Variants in AGBL1 observed in about 807,000 individuals in gnomAD.
AGBL1 encodes AGBL carboxypeptidase 1, also known as cytosolic carboxypeptidase 4.
AGBL1 carries 130 observed loss-of-function variants against 118.9 expected under a neutral mutation model. The observed-to-expected ratio is 1.09, with a 90% CI of 0.95 to 1.26. AGBL1 has a LOEUF of 1.26. AGBL1 is among the 50% of genes most tolerant of loss of function. The probability of loss-of-function intolerance (pLI) is 0.00; values close to 1 mark genes in which losing one functional copy is unlikely to be tolerated. For missense variants in AGBL1, 1,584 were observed against 1,298.1 expected, an observed-to-expected ratio of 1.22 and a Z score of -3.38; for synonymous variants, 555 against 478.9, an observed-to-expected ratio of 1.16 and a Z score of -2.08.
At chr15:86,380,347 C>G (rs375600042) in intron 17 of AGBL1, among the ~76,000 whole-genome samples, 1 of 96,562 alleles carries the variant, frequency 1.0e-5, no homozygotes, top group African/African-American at 3.3e-5. Flanking sequence ...GACAGTGGTG[C>G]AATCTCGGCT....
At chr15:86,672,063 C>A (rs1197593468) in intron 21 of AGBL1, among the ~76,000 whole-genome samples, 4 of 152,054 alleles carry the variant, frequency 2.6e-5, no homozygotes, top group Admixed American at 2.6e-4. Flanking sequence ...CAGAGCAAGA[C>A]CCTTTTTCTA....
In AGBL1 at chr15:86,995,463, C is replaced by T. The variant is rs1395398105; in HGVS notation, c.3323+7375C>T. Among the ~76,000 whole-genome samples, 4 of 152,246 alleles carry T rather than the reference C, an allele frequency of 2.6e-5. No individual in the cohort carries two copies. In the South Asian group the frequency reaches 8.3e-4, roughly 32 times the overall value. ...TAACCAACCTGTCCAAGTTACAGAGCCCACAGCTCTCAATCAAATAGATAC... is the reference window on the plus strand; with the variant it reads ...TAACCAACCTGTCCAAGTTACAGAGTCCACAGCTCTCAATCAAATAGATAC... On this transcript the variant is annotated intron_variant, in intron 24 of 24. Coordinates refer to the AGBL1 transcript ENST00000441037.
intron 1 of AGBL1, among the ~76,000 whole-genome samples, chr15:86,101,212 A>G (rs1896694627): frequency 6.6e-6 from 1 of 152,102 alleles, no homozygotes; most frequent in African/African-American, 2.4e-5. Flanking sequence ...ATTTTATTGT[A>G]GTCCGAGAAG....
intron 22 of AGBL1, among the ~76,000 whole-genome samples, chr15:86,906,818 C>T (rs1399568116): frequency 6.6e-6 from 1 of 152,168 alleles, no homozygotes; most frequent in Admixed American, 6.5e-5. Flanking sequence ...CAACTTTCCC[C>T]CCCAAGCCTC....
chr15:86,480,460 G>A (rs1044598056), intron 18 of AGBL1, among the ~76,000 whole-genome samples: 1 of 151,988 alleles, frequency 6.6e-6, no homozygotes, highest in Non-Finnish European at 1.5e-5. Context: ...AATTAGTGGT[G>A]AAAAATCTTA....
At chr15:87,022,094 G>A (rs1275296730) in intron 24 of AGBL1, among the ~76,000 whole-genome samples, 1 of 152,020 alleles carries the variant, frequency 6.6e-6, no homozygotes, top group Non-Finnish European at 1.5e-5. Flanking sequence ...TAGGAAAAGG[G>A]GGAGAGTACT....
chr15:86,352,668 G>C (rs994612390), intron 17 of AGBL1, among the ~76,000 whole-genome samples: 1 of 152,104 alleles, frequency 6.6e-6, no homozygotes, highest in Non-Finnish European at 1.5e-5. Flanking sequence ...TTTTAGTAGA[G>C]ATGGGGTTTC....
chr15:86,266,527 G>A, intron 12 of AGBL1, 70 bp downstream of exon 12: 1 of 1,111,042 alleles, frequency 9.0e-7, no homozygotes. Context: ...GAATAGACAT[G>A]TTTCCTGTTA....
chr15:86,759,873 T>C (rs1208142786), intron 22 of AGBL1, among the ~76,000 whole-genome samples: 4 of 152,120 alleles, frequency 2.6e-5, no homozygotes. Context: ...ACATTATTTC[T>C]GGTACTTATG....
At chr15:86,496,236 T>C (rs2082854048) in intron 18 of AGBL1, among the ~76,000 whole-genome samples, 1 of 152,018 alleles carries the variant, frequency 6.6e-6, no homozygotes, top group Admixed American at 6.6e-5. Flanking sequence ...ACTTGCTCTC[T>C]CTCTCCTGCC....
At chr15:86,081,134 C>T (rs1247768039) in intron 1 of AGBL1, among the ~76,000 whole-genome samples, 1 of 152,038 alleles carries the variant, frequency 6.6e-6, no homozygotes, top group Non-Finnish European at 1.5e-5. Context: ...ACTTTTGCCT[C>T]CCAGGTTCAA....
intron 5 of AGBL1, among the ~76,000 whole-genome samples, chr15:86,169,730 T>G (rs982897006): frequency 6.6e-6 from 1 of 152,202 alleles, no homozygotes; most frequent in Admixed American, 6.5e-5. Context: ...CAGATGCAAT[T>G]TTTAAAAATA....
intron 17 of AGBL1, 104 bp downstream of exon 17, chr15:86,295,512 G>C: frequency 8.2e-7 from 1 of 1,225,786 alleles, no homozygotes; most frequent in Non-Finnish European, 1.1e-6. Flanking sequence ...ATAAAGGGTT[G>C]GAGACTGTCT....
chr15:87,014,789 G>A (rs1479568715), intron 24 of AGBL1, among the ~76,000 whole-genome samples: 1 of 152,108 alleles, frequency 6.6e-6, no homozygotes, highest in Non-Finnish European at 1.5e-5. Flanking sequence ...TGAATACTAT[G>A]TCTATCTCCC....
Position 86,813,646 on chromosome 15 carries a change from G to A in AGBL1, c.3159-93441G>A, listed in dbSNP as rs74027114. ...CCTCACCTGGCTCTCATTTCTCGTG[G>A]GTGGCAGCATTATTGTTCTAAGACC... On this transcript the variant is annotated intron_variant, in intron 22 of 22. Transcript: ENST00000614907. 3.7e-3 allele frequency among the ~76,000 whole-genome samples: 568 copies of A among 152,186 alleles called. 6 individuals are homozygous for A. The highest frequency in any genetic ancestry group is 0.013 in the African/African-American group (536 of 41,534).
chr15:86,226,222 G>T (rs1338468842), intron 6 of AGBL1, among the ~76,000 whole-genome samples: 1 of 152,114 alleles, frequency 6.6e-6, no homozygotes, highest in Non-Finnish European at 1.5e-5. Context: ...ACTTGCTTCA[G>T]GTTTGGCATC....
rs1267209620 is a variant in AGBL1, at chr15:86,914,187, G to C, written c.*6893G>C. The C allele has an allele frequency of 6.6e-6, 1 of 152,182 alleles. No individual in the cohort carries two copies. Among genetic ancestry groups the C allele is most frequent in the Non-Finnish European group, 1.5e-5 (1 of 68,066 alleles). The allele number at this position is 152,182 out of a possible 1,614,324, so 9.4% of individuals were successfully genotyped here. A position where few individuals can be genotyped will look rare whatever the true frequency, so the allele number is the denominator to read the frequency against. On this transcript the variant is annotated 3_prime_UTR_variant, in exon 23 of 23. Coordinates refer to ENST00000614907, the MANE Select transcript of AGBL1 (RefSeq NM_001386094.1). ...CAGGTCTGCCATCCAAACATCCAGG[G>C]TATGGGGGTTAAATGAATGAATGTC...
chr15:86,258,270 A>T (rs1465624486), intron 9 of AGBL1, among the ~76,000 whole-genome samples: 1 of 152,198 alleles, frequency 6.6e-6, no homozygotes, highest in Non-Finnish European at 1.5e-5. Flanking sequence ...TATCCTATAC[A>T]TTATTATGAC....
chr15:86,140,901 C>G (rs1454115907), intron 1 of AGBL1, among the ~76,000 whole-genome samples: 2 of 152,154 alleles, frequency 1.3e-5, no homozygotes, highest in Non-Finnish European at 2.9e-5. Context: ...ATAAGAAGGA[C>G]AAGATCATAA....
Sources: allele counts gnomAD v4.1 joint callset (sites outside exome capture counted in the v4.1 genomes callset), GRCh38; gene constraint gnomAD v4.1.1; transcripts MANE v1.5; gene names NCBI Gene and HGNC (gene_info 2026-07-23, HGNC 2026-07-21).